Variants in TRDN observed in about 807,000 individuals in gnomAD.
The protein encoded by TRDN is triadin, also known as triadin in skeletal muscle.
TRDN carries 161 observed loss-of-function variants against 149.7 expected under a neutral mutation model. The ratio of observed to expected loss-of-function variants is 1.08; its 90% CI spans 0.95 to 1.23. The LOEUF is 1.23. Among genes scored for constraint, TRDN ranks in the 50% most tolerant of loss-of-function variants. TRDN has a pLI of 0.00. For missense variants in TRDN, 896 were observed against 823.5 expected, an observed-to-expected ratio of 1.09 and a Z score of -1.08; for synonymous variants, 294 against 250.5, an observed-to-expected ratio of 1.17 and a Z score of -1.64.
chr6:123,225,519 C>G (rs1316099634), intron 38 of TRDN, among the ~76,000 whole-genome samples: 1 of 138,656 alleles, frequency 7.2e-6, no homozygotes, highest in African/African-American at 2.5e-5. Context: ...CACAGACACA[C>G]ACACACACAC....
chr6:123,332,052 C>G (rs1562265497), intron 22 of TRDN, 123 bp from the exon 23 acceptor site: 3 of 664,130 alleles, frequency 4.5e-6, no homozygotes. Flanking sequence ...TTATAATGCA[C>G]TTTAAAAATG....
chr6:123,533,080 A>G (rs1052579449), intron 4 of TRDN, among the ~76,000 whole-genome samples: 1 of 152,144 alleles, frequency 6.6e-6, no homozygotes, highest in Non-Finnish European at 1.5e-5. Context: ...TGGTCTTTGG[A>G]CGTACTAAGG....
intron 20 of TRDN, among the ~76,000 whole-genome samples, chr6:123,354,892 TA>T (rs1325807135): frequency 2.6e-5 from 4 of 151,680 alleles, no homozygotes; most frequent in African/African-American, 7.2e-5. Context: ...CCTTACATTG[TA>T]ACAATAAAAT....
At chr6:123,620,540 A>G (rs75979696) in intron 1 of TRDN, among the ~76,000 whole-genome samples, 3,188 of 151,458 alleles carry the variant, frequency 0.021, 122 homozygotes, top group East Asian at 0.17. Context: ...TTTTACAAAT[A>G]GAATTTTTTT....
chr6:123,574,221 A>T (rs2114550844), intron 1 of TRDN, among the ~76,000 whole-genome samples: 1 of 152,110 alleles, frequency 6.6e-6, no homozygotes, highest in Non-Finnish European at 1.5e-5. Context: ...GGTAGAAATT[A>T]ACAATAGTGA....
intron 12 of TRDN, among the ~76,000 whole-genome samples, chr6:123,431,451 T>G (rs557355523): frequency 4.6e-5 from 7 of 152,178 alleles, no homozygotes; most frequent in Non-Finnish European, 1.0e-4. Context: ...CTGAAAAAAT[T>G]TATCTAGATT....
At chr6:123,561,821 C>G (rs114595253) in intron 2 of TRDN, among the ~76,000 whole-genome samples, 13 of 152,080 alleles carry the variant, frequency 8.5e-5, no homozygotes, top group African/African-American at 3.1e-4. Flanking sequence ...CAATCCCTCT[C>G]GAAGCAGCCC....
At chr6:123,467,455 C>CTTTTTAT (rs1399322865) in intron 9 of TRDN, among the ~76,000 whole-genome samples, 4 of 151,966 alleles carry the variant, frequency 2.6e-5, no homozygotes, top group African/African-American at 9.7e-5. Flanking sequence ...TTATTCTGCT[C>CTTTTTAT]TCTAACATGG....
rs530860988 is a variant in TRDN at position 123,505,016 on chromosome 6, C to T, written c.611-1115G>A. On this transcript the variant is annotated intron_variant, in intron 7 of 40. Coordinates refer to ENST00000334268, the MANE Select transcript of TRDN (RefSeq NM_006073.4). ...ATCCCAGCACTTTGGGAGACCAAGG[C>T]GGGCGGGTCATGAGGTCAGCAGATC... Among the ~76,000 whole-genome samples the T allele has an allele frequency of 5.9e-5, 9 of 152,096 alleles. No individual in the cohort carries two copies. The East Asian group carries it at 1.2e-3, about 20-fold the overall frequency.
chr6:123,622,322 C>G (rs58313453), intron 1 of TRDN, among the ~76,000 whole-genome samples: 95 of 126,646 alleles, frequency 7.5e-4, no homozygotes, highest in Admixed American at 4.9e-3. Flanking sequence ...TATACAGACA[C>G]ACACACACAC....
intron 10 of TRDN, among the ~76,000 whole-genome samples, chr6:123,451,991 G>A (rs957195121): frequency 1.5e-4 from 23 of 151,656 alleles, no homozygotes; most frequent in Non-Finnish European, 3.1e-4. Flanking sequence ...AATTAAAAAC[G>A]AAAATCATAT....
chr6:123,575,802 T>C (rs1332119040), intron 1 of TRDN, among the ~76,000 whole-genome samples: 5 of 152,096 alleles, frequency 3.3e-5, no homozygotes, highest in African/African-American at 1.2e-4. Flanking sequence ...AGAAGTCACT[T>C]AACCTCATGA....
intron 26 of TRDN, among the ~76,000 whole-genome samples, chr6:123,276,571 C>G (rs1350191997): frequency 2.6e-5 from 4 of 152,086 alleles, no homozygotes; most frequent in Non-Finnish European, 4.4e-5. Context: ...CCTATCTAGA[C>G]AGTGTGCCAT....
chr6:123,565,037 G>C (rs781335596), intron 2 of TRDN, among the ~76,000 whole-genome samples: 1 of 152,126 alleles, frequency 6.6e-6, no homozygotes, highest in Non-Finnish European at 1.5e-5. Flanking sequence ...GCCTTAGTTT[G>C]TAGTCATTTC....
chr6:123,273,457 G>A, intron 27 of TRDN, 94 bp from the exon 28 acceptor site: 1 of 612,938 alleles, frequency 1.6e-6, no homozygotes, highest in Non-Finnish European at 2.3e-6. Context: ...ATAGAACTAG[G>A]CATAACTAGC....
intron 10 of TRDN, among the ~76,000 whole-genome samples, chr6:123,460,353 G>A (rs7744455): frequency 0.17 from 25,713 of 152,134 alleles, 2,345 homozygotes; most frequent in South Asian, 0.28. Flanking sequence ...ATTTCCTGAT[G>A]TAAAAAATAT....
At chr6:123,504,709 G>A (rs1354064467) in intron 7 of TRDN, among the ~76,000 whole-genome samples, 2 of 151,990 alleles carry the variant, frequency 1.3e-5, no homozygotes, top group Non-Finnish European at 2.9e-5. Context: ...TCCGTATTTT[G>A]GAAGAGGGAA....
At chr6:123,631,317 C>G (rs953291311) in intron 1 of TRDN, among the ~76,000 whole-genome samples, 4 of 151,972 alleles carry the variant, frequency 2.6e-5, no homozygotes, top group African/African-American at 4.8e-5. Context: ...CTTTTTAGAA[C>G]TATTTTTTCT....
intron 2 of TRDN, among the ~76,000 whole-genome samples, chr6:123,567,622 C>G (rs1323579709): frequency 6.6e-6 from 1 of 150,452 alleles, no homozygotes; most frequent in African/African-American, 2.5e-5. Flanking sequence ...AGAGGAGGAG[C>G]AAGAGAGAGA....
Sources: gnomAD v4.1 joint callset for allele counts (sites outside exome capture counted in the v4.1 genomes callset) on GRCh38, gnomAD v4.1.1 for gene constraint, MANE v1.5 for transcripts, NCBI Gene and HGNC (gene_info 2026-07-23, HGNC 2026-07-21) for gene names.